Variants in PCSK2 observed in about 807,000 individuals in gnomAD.
PCSK2 encodes the protein neuroendocrine convertase 2.
Under a neutral mutation model 69.7 loss-of-function variants are expected in PCSK2, and 14 were observed. The ratio of observed to expected loss-of-function variants is 0.20; its 90% CI spans 0.13 to 0.31. PCSK2 has a LOEUF of 0.31. Among genes scored for constraint, PCSK2 ranks in the 10% least tolerant of loss-of-function variants. The probability of loss-of-function intolerance (pLI) is 1.00; values close to 1 mark genes in which losing one functional copy is unlikely to be tolerated. For missense variants in PCSK2, 544 were observed against 842.5 expected, an observed-to-expected ratio of 0.65 and a Z score of 4.39; for synonymous variants, 307 against 320.7, an observed-to-expected ratio of 0.96 and a Z score of 0.46.
chr20:17,331,985 T>C (rs953883039), intron 2 of PCSK2, among the ~76,000 whole-genome samples: 1 of 152,190 alleles, frequency 6.6e-6, no homozygotes. Context: ...CTGGTTATAA[T>C]AATAATTATA....
At chr20:17,347,692 A>G (rs1173287757) in intron 2 of PCSK2, among the ~76,000 whole-genome samples, 1 of 151,812 alleles carries the variant, frequency 6.6e-6, no homozygotes, top group Admixed American at 6.6e-5. Context: ...TAATAATGGG[A>G]AGGCAGTGCA....
chr20:17,337,477 C>G (rs1015215910), intron 2 of PCSK2, among the ~76,000 whole-genome samples: 1 of 152,138 alleles, frequency 6.6e-6, no homozygotes, highest in Non-Finnish European at 1.5e-5. Context: ...TCATTTAACC[C>G]TCAGCTGTAG....
At chr20:17,481,489 C>A in intron 11 of PCSK2, 95 bp from the exon 12 acceptor site, 1 of 1,128,106 alleles carries the variant, frequency 8.9e-7, no homozygotes, top group Non-Finnish European at 1.3e-6. Context: ...AACCCCAAAG[C>A]CCTTGCCCTT....
At chr20:17,342,000 C>T (rs76382423) in intron 2 of PCSK2, among the ~76,000 whole-genome samples, 4,938 of 152,296 alleles carry the variant, frequency 0.032, 113 homozygotes, top group Non-Finnish European at 0.048. Context: ...GTAAGTTTAG[C>T]CTGGCCACAG....
At chr20:17,384,477 C>T (rs2031179664) in intron 5 of PCSK2, among the ~76,000 whole-genome samples, 1 of 150,666 alleles carries the variant, frequency 6.6e-6, no homozygotes, top group South Asian at 2.1e-4. Context: ...TGTCACATAC[C>T]TGTAATCCCA....
At chr20:17,450,527 C>A (rs568414532) in intron 8 of PCSK2, among the ~76,000 whole-genome samples, 1 of 152,228 alleles carries the variant, frequency 6.6e-6, no homozygotes, top group East Asian at 1.9e-4. Flanking sequence ...AGATGTGAGC[C>A]ATAGTTGTTC....
In PCSK2 at chr20:17,322,275, C is replaced by A. The variant is rs1002466661; in HGVS notation, c.283-36052C>A. On this transcript the variant is annotated intron_variant, in intron 2 of 11. Coordinates refer to ENST00000262545, the MANE Select transcript of PCSK2 (RefSeq NM_002594.5). ...GACTGGAAAAGTTTATGAAAAGTTT[C>A]TTTGGGTTGGTAAGCATATGGAGGT... Among the ~76,000 whole-genome samples the A allele has an allele frequency of 2.0e-5, 3 of 152,068 alleles. No homozygotes were observed. In the South Asian group the frequency reaches 6.2e-4, roughly 32 times the overall value.
At chr20:17,235,511 T>C (rs1255857368) in intron 1 of PCSK2, among the ~76,000 whole-genome samples, 3 of 152,138 alleles carry the variant, frequency 2.0e-5, no homozygotes, top group Non-Finnish European at 2.9e-5. Flanking sequence ...AGAATCACTA[T>C]TGGAAGCATC....
intron 2 of PCSK2, among the ~76,000 whole-genome samples, chr20:17,333,910 C>CATAT (rs3076241): frequency 0.012 from 1,023 of 86,396 alleles, 87 homozygotes; most frequent in African/African-American, 0.032. Flanking sequence ...TAAGTCACTG[C>CATAT]ATATATATAT....
At position 17,321,212 on chromosome 20, in the gene PCSK2, C is replaced by T. The variant is rs75905151; in HGVS notation, c.283-37115C>T. Among the ~76,000 whole-genome samples the T allele has an allele frequency of 5.9e-3, 904 of 152,296 alleles. 9 individuals are homozygous for T. The highest frequency in any genetic ancestry group is 0.02 in the African/African-American group (825 of 41,568). Reference sequence around the variant, plus strand: ...GATCTGGATTTCATTCTGTCCCTGTCGTCTCTCAAAACTGTGACCTTGGCC... The same window carrying T: ...GATCTGGATTTCATTCTGTCCCTGTTGTCTCTCAAAACTGTGACCTTGGCC... On this transcript the variant is annotated intron_variant, in intron 2 of 11. Coordinates refer to ENST00000262545, the MANE Select transcript of PCSK2 (RefSeq NM_002594.5).
In PCSK2 at chr20:17,293,216, T is replaced by C. The variant is rs1988756493; in HGVS notation, c.282+32872T>C. Reference sequence around the variant, plus strand: ...TTTCTCCAGCTTGCTGAACTCTTATTAATTAAGGCACCTATAAAATGATTC... The same window carrying C: ...TTTCTCCAGCTTGCTGAACTCTTATCAATTAAGGCACCTATAAAATGATTC... On this transcript the variant is annotated intron_variant, in intron 2 of 11. Transcript: ENST00000262545. 1.3e-5 allele frequency among the ~76,000 whole-genome samples: 2 copies of C among 152,208 alleles called. 1 individual carries two copies. Among genetic ancestry groups the C allele is most frequent in the East Asian group, 3.8e-4 (2 of 5,196 alleles).
In PCSK2 at chr20:17,378,258, G is replaced by C. The variant is rs115920309; in HGVS notation, c.543+8981G>C. 3.7e-3 allele frequency among the ~76,000 whole-genome samples: 560 copies of C among 152,188 alleles called. 3 individuals carry two copies. Among genetic ancestry groups the C allele is most frequent in the African/African-American group, 0.013 (536 of 41,566 alleles). On this transcript the variant is annotated intron_variant, in intron 5 of 11. Transcript: ENST00000262545. Reference sequence around the variant, plus strand: ...GAATGCAGCTCACCACATGGGGGATGAACTTGTTTTCTTGGGTCGATACAG... The same window carrying C: ...GAATGCAGCTCACCACATGGGGGATCAACTTGTTTTCTTGGGTCGATACAG...
intron 2 of PCSK2, among the ~76,000 whole-genome samples, chr20:17,283,171 G>A (rs1988382649): frequency 6.6e-6 from 1 of 152,162 alleles, no homozygotes; most frequent in South Asian, 2.1e-4. Context: ...TAGATGGAGA[G>A]ATAGGTGGAT....
chr20:17,463,955 C>T (rs2033056149), intron 10 of PCSK2: 1 of 152,180 alleles, frequency 6.6e-6, no homozygotes, highest in Admixed American at 6.5e-5. Context: ...AAATTTTGCA[C>T]TGCAGCTCAG....
chr20:17,284,534 G>C (rs1340936), intron 2 of PCSK2, among the ~76,000 whole-genome samples: 1 of 152,120 alleles, frequency 6.6e-6, no homozygotes, highest in Non-Finnish European at 1.5e-5. Context: ...TAAAGATCTC[G>C]CTGGGCTTTA....
chr20:17,277,004 C>T (rs1039182368), intron 2 of PCSK2, among the ~76,000 whole-genome samples: 1 of 152,108 alleles, frequency 6.6e-6, no homozygotes, highest in African/African-American at 2.4e-5. Flanking sequence ...AGGAATCCAA[C>T]TTACAAGGGA....
At chr20:17,368,218 T>C (rs1313903280) in intron 4 of PCSK2, among the ~76,000 whole-genome samples, 2 of 152,336 alleles carry the variant, frequency 1.3e-5, no homozygotes, top group South Asian at 2.1e-4. Context: ...TTCTGGCTTT[T>C]AGATATTGCA....
At chr20:17,400,521 C>T (rs1275844551) in intron 5 of PCSK2, among the ~76,000 whole-genome samples, 1 of 151,906 alleles carries the variant, frequency 6.6e-6, no homozygotes, top group Non-Finnish European at 1.5e-5. Flanking sequence ...CTAAGAGTCC[C>T]CTATACAAAA....
At chr20:17,381,056 C>G (rs1050140845) in intron 5 of PCSK2, among the ~76,000 whole-genome samples, 2 of 152,178 alleles carry the variant, frequency 1.3e-5, no homozygotes, top group Non-Finnish European at 2.9e-5. Context: ...CGGTCTGGAG[C>G]TTTAGGCAAA....
Sources: gnomAD v4.1 joint callset for allele counts (sites outside exome capture counted in the v4.1 genomes callset) on GRCh38, gnomAD v4.1.1 for gene constraint, MANE v1.5 for transcripts, NCBI Gene and HGNC (gene_info 2026-07-23, HGNC 2026-07-21) for gene names.